PTPRM: variants seen among roughly 807,000 people sequenced by gnomAD.
PTPRM encodes the protein protein tyrosine phosphatase receptor type M, also known as receptor-type tyrosine-protein phosphatase mu.
PTPRM carries 47 observed loss-of-function variants against 186.7 expected under a neutral mutation model. That is an observed-to-expected ratio of 0.25 (90% CI 0.20 to 0.32). PTPRM has a LOEUF of 0.32. Ranked by LOEUF, PTPRM falls within the 10% of genes least tolerant of loss-of-function variation. The pLI, the probability that PTPRM is intolerant of heterozygous loss-of-function variation, is 1.00. For missense variants in PTPRM, 1,494 were observed against 1,865.0 expected (o/e 0.80, Z 3.66); for synonymous variants, 668 against 674.9 (o/e 0.99, Z 0.16).
intron 22 of PTPRM, among the ~76,000 whole-genome samples, chr18:8,324,690 T>G (rs2095365027): frequency 1.3e-5 from 2 of 152,218 alleles, no homozygotes; most frequent in Admixed American, 1.3e-4. Context: ...ACAGAGCTCA[T>G]TTCATCTTTA....
intron 1 of PTPRM, among the ~76,000 whole-genome samples, chr18:7,586,231 C>T (rs575305626): frequency 2.3e-4 from 35 of 152,082 alleles, no homozygotes; most frequent in Non-Finnish European, 4.7e-4. Flanking sequence ...TGGGCTTAAC[C>T]TGCTTCTGTT....
intron 20 of PTPRM, among the ~76,000 whole-genome samples, chr18:8,301,505 T>C (rs2095157532): frequency 6.6e-6 from 1 of 152,208 alleles, no homozygotes; most frequent in African/African-American, 2.4e-5. Context: ...TTGGAGATAA[T>C]GAGCCAGAAT....
At chr18:8,077,345 A>T (rs931119348) in intron 9 of PTPRM, among the ~76,000 whole-genome samples, 8 of 152,106 alleles carry the variant, frequency 5.3e-5, no homozygotes, top group Non-Finnish European at 7.3e-5. Flanking sequence ...CTACTGACAA[A>T]AGCCTGTAAA....
chr18:7,724,946 TC>T (rs955249558), intron 1 of PTPRM, among the ~76,000 whole-genome samples: 2 of 152,194 alleles, frequency 1.3e-5, no homozygotes, highest in Non-Finnish European at 2.9e-5. Flanking sequence ...GGTAGTATTT[TC>T]TAATTGTATT....
At chr18:7,644,157 A>C (rs182319431) in intron 1 of PTPRM, among the ~76,000 whole-genome samples, 1 of 152,182 alleles carries the variant, frequency 6.6e-6, no homozygotes, top group Non-Finnish European at 1.5e-5. Context: ...GGAGGTTTCT[A>C]CTTACAAAAG....
chr18:8,222,510 C>T (rs2094165203), intron 14 of PTPRM, among the ~76,000 whole-genome samples: 1 of 152,160 alleles, frequency 6.6e-6, no homozygotes, highest in South Asian at 2.1e-4. Flanking sequence ...CCGGAACTGA[C>T]AGAGTATGGG....
chr18:7,982,319 G>A lies in PTPRM; in HGVS notation c.1132+26905G>A, dbSNP rs1351228846. ...TTTTTTTTACTTTTAAAACTTTTTTGATACCTAAAACACAAACACACATTA... is the reference window on the plus strand; with the variant it reads ...TTTTTTTTACTTTTAAAACTTTTTTAATACCTAAAACACAAACACACATTA... On this transcript the variant is annotated intron_variant, in intron 7 of 32. Coordinates refer to ENST00000580170, the MANE Select transcript of PTPRM (RefSeq NM_001105244.2). Among the ~76,000 whole-genome samples, 3 of 95,940 alleles carry A rather than the reference G, an allele frequency of 3.1e-5. No homozygotes were observed. In the South Asian group the frequency reaches 1.0e-3, roughly 33 times the overall value. 62.9% of individuals were successfully genotyped at this position (95,940 alleles called of 152,430 possible).
At position 7,729,652 on chromosome 18, in the gene PTPRM, G is replaced by T. The variant is rs112716809; in HGVS notation, c.74-44497G>T. On this transcript the variant is annotated intron_variant, in intron 1 of 32. Transcript: ENST00000580170. Reference sequence around the variant, plus strand: ...GGCCTTGGGGCTCTTAGTTTTACTTGCCATATTGTCAGTTCTGGAGCCACT... The same window carrying T: ...GGCCTTGGGGCTCTTAGTTTTACTTTCCATATTGTCAGTTCTGGAGCCACT... 3.3e-3 allele frequency among the ~76,000 whole-genome samples: 497 copies of T among 152,178 alleles called. 2 individuals are homozygous for T. Among genetic ancestry groups the T allele is most frequent in the African/African-American group, 0.011 (444 of 41,526 alleles).
At chr18:7,863,770 G>A (rs756291914) in intron 2 of PTPRM, among the ~76,000 whole-genome samples, 3 of 152,074 alleles carry the variant, frequency 2.0e-5, no homozygotes, top group Non-Finnish European at 4.4e-5. Context: ...TTGAGGAATC[G>A]CCACACTGTC....
chr18:8,221,039 T>C (rs1313251779), intron 14 of PTPRM, among the ~76,000 whole-genome samples: 1 of 152,206 alleles, frequency 6.6e-6, no homozygotes, highest in Non-Finnish European at 1.5e-5. Flanking sequence ...ATAGAGGCAC[T>C]TGATACAACT....
At chr18:8,251,221 A>G (rs2094525319) in intron 17 of PTPRM, among the ~76,000 whole-genome samples, 1 of 152,236 alleles carries the variant, frequency 6.6e-6, no homozygotes, top group Non-Finnish European at 1.5e-5. Flanking sequence ...ATCCACGTGA[A>G]GGACCCAGAT....
intron 7 of PTPRM, among the ~76,000 whole-genome samples, chr18:8,005,726 C>G (rs2084143848): frequency 6.6e-6 from 1 of 152,176 alleles, no homozygotes; most frequent in African/African-American, 2.4e-5. Context: ...GCTGCTCACT[C>G]TCTTCCCCTC....
intron 2 of PTPRM, among the ~76,000 whole-genome samples, chr18:7,786,120 GATACTTT>G (rs1213802567): frequency 6.6e-6 from 1 of 152,118 alleles, no homozygotes; most frequent in Non-Finnish European, 1.5e-5. Context: ...ATAGTTAACT[GATACTTT>G]ATTCTAGGAG....
intron 7 of PTPRM, among the ~76,000 whole-genome samples, chr18:7,965,958 G>A (rs140799914): frequency 0.013 from 2,006 of 152,256 alleles, 15 homozygotes; most frequent in South Asian, 0.033. Flanking sequence ...GCTTTTAAAA[G>A]CTAAATAAGA....
intron 2 of PTPRM, among the ~76,000 whole-genome samples, chr18:7,820,788 G>T (rs2045145800): frequency 6.6e-6 from 1 of 152,188 alleles, no homozygotes; most frequent in African/African-American, 2.4e-5. Context: ...TCTCATGGCA[G>T]CTGGGCCCTT....
chr18:8,384,790 T>C (rs1005452127), intron 30 of PTPRM, 104 bp downstream of exon 30: 3 of 1,473,786 alleles, frequency 2.0e-6, no homozygotes, highest in South Asian at 2.5e-5. Context: ...TCCAGGAGTT[T>C]GGAGTATGTC....
chr18:7,797,765 G>T (rs889308089), intron 2 of PTPRM, among the ~76,000 whole-genome samples: 1 of 152,150 alleles, frequency 6.6e-6, no homozygotes, highest in African/African-American at 2.4e-5. Flanking sequence ...CATAGCAAGG[G>T]CCTGGATGAC....
At chr18:7,625,543 CT>C (rs1051694322) in intron 1 of PTPRM, among the ~76,000 whole-genome samples, 2 of 125,634 alleles carry the variant, frequency 1.6e-5, no homozygotes, top group East Asian at 2.5e-4. Context: ...TTGAGAGGTT[CT>C]TTTTTTTTGA....
chr18:8,380,648 G>A lies in PTPRM; in HGVS notation c.3918+221G>A, dbSNP rs757167136. 3.9e-5 allele frequency among the ~76,000 whole-genome samples: 6 copies of A among 152,338 alleles called. No individual in the cohort carries two copies. In the East Asian group the frequency reaches 1.2e-3, roughly 29 times the overall value. ...GAAATACAGGCTGAAATCATAGATG[G>A]TTGAGGTGACAGGGCAAGACACGGC... On this transcript the variant is annotated intron_variant, in intron 29 of 32. Coordinates refer to ENST00000580170, the MANE Select transcript of PTPRM (RefSeq NM_001105244.2).
Sources: allele counts gnomAD v4.1 joint callset (sites outside exome capture counted in the v4.1 genomes callset), GRCh38; gene constraint gnomAD v4.1.1; transcripts MANE v1.5; gene names NCBI Gene and HGNC (gene_info 2026-07-23, HGNC 2026-07-21).